The following LPP variants were observed in gnomAD, a reference collection of about 807,000 sequenced individuals.
LPP encodes the protein LIM domain containing preferred translocation partner in lipoma.
Under a neutral mutation model 60.4 loss-of-function variants are expected in LPP, and 38 were observed. The observed-to-expected ratio is 0.63, with a 90% CI of 0.49 to 0.83. The LOEUF is 0.83. Ranked by LOEUF, LPP falls within the 40% of genes least tolerant of loss-of-function variation. The pLI, the probability that LPP is intolerant of heterozygous loss-of-function variation, is 0.00. For synonymous variants in LPP, 328 were observed against 290.8 expected, an observed-to-expected ratio of 1.13 and a Z score of -1.30; for missense variants, 902 against 783.6, an observed-to-expected ratio of 1.15 and a Z score of -1.80.
At chr3:188,522,815 ATG>A (rs1553920216) in intron 5 of LPP, among the ~76,000 whole-genome samples, 8 of 136,522 alleles carry the variant, frequency 5.9e-5, no homozygotes, top group East Asian at 2.1e-4. Flanking sequence ...ATATATATAT[ATG>A]TGTATGTGTG....
intron 2 of LPP, among the ~76,000 whole-genome samples, chr3:188,285,283 G>A (rs1477241809): frequency 5.9e-5 from 9 of 152,166 alleles, no homozygotes; most frequent in Non-Finnish European, 8.8e-5. Context: ...TATGTGAAGC[G>A]TTAGAGAGAG....
rs1294527275 is a variant in LPP, at chr3:188,878,642, C to T, written c.*4163C>T. On this transcript the variant is annotated 3_prime_UTR_variant, in exon 12 of 12. Coordinates refer to ENST00000617246, the MANE Select transcript of LPP (RefSeq NM_001375462.1). ...GGAGACAATCAGAGAACAACATATA[C>T]TTGTGCCTTATTTTCAAAGAATCTA... 1 of 204,734 alleles carries T rather than the reference C, an allele frequency of 4.9e-6. No individual in the cohort carries two copies. Among genetic ancestry groups the T allele is most frequent in the Non-Finnish European group, 1.0e-5 (1 of 99,996 alleles). 12.7% of individuals were successfully genotyped at this position (204,734 alleles called of 1,614,324 possible).
In LPP at chr3:188,882,194, T is replaced by C. The variant is rs2152085587; in HGVS notation, c.*7715T>C. 1 of 215,564 alleles carries C rather than the reference T, an allele frequency of 4.6e-6. No homozygotes were observed. The highest frequency in any genetic ancestry group is 7.0e-5 in the East Asian group (1 of 14,388). 13.4% of individuals were successfully genotyped at this position (215,564 alleles called of 1,614,324 possible). On this transcript the variant is annotated 3_prime_UTR_variant, in exon 12 of 12. Transcript: ENST00000617246. ...TTCCAGTGACATTAGTAAGACTTTA[T>C]GGAGTACATAAAATTTGATAAGAAA...
intron 2 of LPP, among the ~76,000 whole-genome samples, chr3:188,252,170 C>CATATATATAT (rs10609191): frequency 9.5e-4 from 97 of 101,876 alleles, no homozygotes; most frequent in East Asian, 4.6e-3. Flanking sequence ...CTTCCCCAAA[C>CATATATATAT]ATATATATAT....
rs545636287 is a variant in LPP, at chr3:188,789,109, A to G, written c.1410+28827A>G. Among the ~76,000 whole-genome samples the G allele has an allele frequency of 4.1e-5, 6 of 145,596 alleles. No individual in the cohort carries two copies. In the South Asian group the frequency reaches 1.3e-3, roughly 32 times the overall value. ...TTTGTTGTTGTTGGGTTTTTTTTTT[A>G]GCAACAATGTATTTTTTAATTAAGG... On this transcript the variant is annotated intron_variant, in intron 9 of 11. Transcript: ENST00000617246.
At chr3:188,429,940 T>G (rs1193615013) in intron 4 of LPP, among the ~76,000 whole-genome samples, 2 of 152,194 alleles carry the variant, frequency 1.3e-5, no homozygotes, top group Non-Finnish European at 2.9e-5. Context: ...CACTGTTATA[T>G]GTGGCCGTAT....
intron 3 of LPP, among the ~76,000 whole-genome samples, chr3:188,371,616 A>AT (rs1773099804): frequency 2.1e-4 from 5 of 24,376 alleles, no homozygotes; most frequent in Admixed American, 1.1e-3. Context: ...GTGGTGGGAA[A>AT]ATATATATAT....
At chr3:188,213,449 C>T (rs955883821) in intron 1 of LPP, among the ~76,000 whole-genome samples, 7 of 152,102 alleles carry the variant, frequency 4.6e-5, no homozygotes, top group South Asian at 2.1e-4. Flanking sequence ...TCTCTCAGTT[C>T]GTTCTCCTTC....
Position 188,719,949 on chromosome 3 carries a change from G to A in LPP, c.1240+11556G>A, listed in dbSNP as rs111758477. Among the ~76,000 whole-genome samples the A allele has an allele frequency of 7.3e-3, 1,106 of 152,218 alleles. 4 individuals are homozygous for A. Among genetic ancestry groups the A allele is most frequent in the Non-Finnish European group, 0.011 (722 of 68,004 alleles). On this transcript the variant is annotated intron_variant, in intron 8 of 11. Transcript: ENST00000617246. ...TTTGTCTGAGACGTAGTCTTGCTCC[G>A]TCGCCCAGGTTGGAATGCAGTGGCG...
chr3:188,800,496 T>C (rs372143055), intron 9 of LPP, among the ~76,000 whole-genome samples: 95 of 152,104 alleles, frequency 6.2e-4, no homozygotes, highest in South Asian at 1.0e-3. Flanking sequence ...CCGCCCACCT[T>C]GGCCTCCCAA....
intron 2 of LPP, among the ~76,000 whole-genome samples, chr3:188,297,783 C>G (rs563595014): frequency 6.6e-6 from 1 of 152,166 alleles, no homozygotes; most frequent in Non-Finnish European, 1.5e-5. Flanking sequence ...GGATATGTTT[C>G]TAGAGACTGA....
Position 188,587,430 on chromosome 3 carries a change from ATTGT to A in LPP, c.430-21728_430-21725del, listed in dbSNP as rs374054776. Among the ~76,000 whole-genome samples, 253 of 151,976 alleles carry A rather than the reference ATTGT, an allele frequency of 1.7e-3. 3 individuals carry two copies. Among genetic ancestry groups the A allele is most frequent in the African/African-American group, 5.4e-3 (222 of 41,394 alleles). On this transcript the variant is annotated intron_variant, in intron 6 of 11. Coordinates refer to ENST00000617246, the MANE Select transcript of LPP (RefSeq NM_001375462.1). ...GGAGCCCAAGAAGACATTTATAGGG[ATTGT>A]TTATTTTCATGTTGTTACTACACTC...
intron 1 of LPP, chr3:188,178,975 GGAGA>G: frequency 3.5e-6 from 1 of 283,498 alleles, no homozygotes. Flanking sequence ...GGAGAGAGAG[GGAGA>G]GAGAGAGCAC....
chr3:188,191,341 G>A (rs1195759078), intron 1 of LPP, among the ~76,000 whole-genome samples: 2 of 152,198 alleles, frequency 1.3e-5, no homozygotes, highest in African/African-American at 2.4e-5. Flanking sequence ...TATTTGCTAC[G>A]CTTTGTGTGC....
At chr3:188,354,646 C>T (rs933221166) in intron 3 of LPP, among the ~76,000 whole-genome samples, 9 of 152,104 alleles carry the variant, frequency 5.9e-5, no homozygotes, top group Admixed American at 2.0e-4. Context: ...CAAACACTAT[C>T]TTTATAGTTT....
chr3:188,446,076 C>G (rs1795161075), intron 4 of LPP, among the ~76,000 whole-genome samples: 1 of 152,196 alleles, frequency 6.6e-6, no homozygotes, highest in African/African-American at 2.4e-5. Context: ...TTGAAGGCAG[C>G]GGTCTTGCCA....
chr3:188,756,290 C>T (rs951854749), intron 8 of LPP, among the ~76,000 whole-genome samples: 1 of 152,194 alleles, frequency 6.6e-6, no homozygotes, highest in East Asian at 1.9e-4. Flanking sequence ...TCTTAATTCA[C>T]TGACAAAGTT....
At chr3:188,553,649 A>G (rs1828749584) in intron 6 of LPP, 2 of 152,256 alleles carry the variant, frequency 1.3e-5, no homozygotes, top group Non-Finnish European at 1.5e-5. Flanking sequence ...TTCATAATGC[A>G]GAAGATGAAC....
chr3:188,568,833 C>G (rs1333528360), intron 6 of LPP, among the ~76,000 whole-genome samples: 1 of 151,840 alleles, frequency 6.6e-6, no homozygotes, highest in Non-Finnish European at 1.5e-5. Flanking sequence ...TGCACAATAG[C>G]TTAGTATTGT....
Sources: allele counts gnomAD v4.1 joint callset (sites outside exome capture counted in the v4.1 genomes callset), GRCh38; gene constraint gnomAD v4.1.1; transcripts MANE v1.5; gene names NCBI Gene and HGNC (gene_info 2026-07-23, HGNC 2026-07-21).